PKP4: variants seen among roughly 807,000 people sequenced by gnomAD.
The protein encoded by PKP4 is plakophilin 4.
A neutral mutation model predicts 145.1 loss-of-function variants in PKP4; 90 were observed. That is an observed-to-expected ratio of 0.62 (90% CI 0.52 to 0.74). PKP4 has a LOEUF of 0.74. Ranked by LOEUF, PKP4 falls within the 30% of genes least tolerant of loss-of-function variation. The pLI, the probability that PKP4 is intolerant of heterozygous loss-of-function variation, is 0.00. For missense variants in PKP4, 1,340 were observed against 1,482.7 expected, an observed-to-expected ratio of 0.90 and a Z score of 1.58; for synonymous variants, 563 against 577.2, an observed-to-expected ratio of 0.98 and a Z score of 0.35.
At chr2:158,466,280 G>A (rs1277471381) in intron 1 of PKP4, among the ~76,000 whole-genome samples, 1 of 151,982 alleles carries the variant, frequency 6.6e-6, no homozygotes, top group Non-Finnish European at 1.5e-5. Flanking sequence ...TTTGTAAACT[G>A]GTCTGAGACC....
chr2:158,655,672 G>T (rs931267309), intron 11 of PKP4, among the ~76,000 whole-genome samples: 1 of 152,204 alleles, frequency 6.6e-6, no homozygotes, highest in Non-Finnish European at 1.5e-5. Context: ...GCAGCTCTCT[G>T]CCATGCATTG....
chr2:158,516,604 G>A (rs947916641), intron 1 of PKP4, among the ~76,000 whole-genome samples: 56 of 151,744 alleles, frequency 3.7e-4, no homozygotes, highest in African/African-American at 1.3e-3. Context: ...ACCAGTATGG[G>A]CTAAAAAGAC....
At chr2:158,466,566 G>A (rs929143368) in intron 1 of PKP4, among the ~76,000 whole-genome samples, 2 of 151,838 alleles carry the variant, frequency 1.3e-5, no homozygotes, top group Non-Finnish European at 2.9e-5. Flanking sequence ...TTAGCCAGGC[G>A]TGGTGGCGGG....
At chr2:158,631,040 C>T (rs1429460801) in intron 7 of PKP4, among the ~76,000 whole-genome samples, 2 of 152,102 alleles carry the variant, frequency 1.3e-5, no homozygotes, top group African/African-American at 4.8e-5. Flanking sequence ...CGGGTTCACG[C>T]CATTCTCCTG....
chr2:158,529,424 CAGG>C (rs550699265), intron 1 of PKP4, among the ~76,000 whole-genome samples: 107 of 152,314 alleles, frequency 7.0e-4, no homozygotes, highest in African/African-American at 1.7e-3. Flanking sequence ...TCATAAAAAA[CAGG>C]AGCTGTGTCA....
intron 2 of PKP4, among the ~76,000 whole-genome samples, chr2:158,547,698 C>A (rs1185947001): frequency 2.0e-5 from 3 of 152,186 alleles, no homozygotes; most frequent in Admixed American, 6.5e-5. Flanking sequence ...TTTTAAAACA[C>A]ATTAACATGT....
At chr2:158,487,774 T>A (rs185948659) in intron 1 of PKP4, among the ~76,000 whole-genome samples, 13 of 134,910 alleles carry the variant, frequency 9.6e-5, no homozygotes, top group South Asian at 2.3e-4. Flanking sequence ...AAAGAAAGAC[T>A]GAGAGAGAGA....
chr2:158,643,278 C>T (rs981938805), intron 11 of PKP4, among the ~76,000 whole-genome samples: 2 of 152,098 alleles, frequency 1.3e-5, no homozygotes, highest in African/African-American at 4.8e-5. Flanking sequence ...AACGAAGTTC[C>T]CTGGGTGACA....
intron 1 of PKP4, among the ~76,000 whole-genome samples, chr2:158,513,289 A>G (rs1429573601): frequency 6.6e-6 from 1 of 152,126 alleles, no homozygotes; most frequent in Admixed American, 6.5e-5. Flanking sequence ...TTCTTCTCTT[A>G]GAAGCAGCCT....
intron 3 of PKP4, among the ~76,000 whole-genome samples, chr2:158,582,941 A>G (rs1057100327): frequency 2.0e-5 from 3 of 152,182 alleles, no homozygotes; most frequent in African/African-American, 4.8e-5. Flanking sequence ...TTTTAGAGTC[A>G]TGGATGGCAA....
chr2:158,498,368 C>G (rs1480689949), intron 1 of PKP4, among the ~76,000 whole-genome samples: 1 of 152,128 alleles, frequency 6.6e-6, no homozygotes, highest in Non-Finnish European at 1.5e-5. Flanking sequence ...AAAACCTATC[C>G]AGATAAAAAG....
At chr2:158,523,309 G>A (rs2042601345) in intron 1 of PKP4, among the ~76,000 whole-genome samples, 1 of 132,670 alleles carries the variant, frequency 7.5e-6, no homozygotes, top group Non-Finnish European at 1.6e-5. Flanking sequence ...ACCTCCTCAA[G>A]TGGGTCCCTG....
intron 2 of PKP4, among the ~76,000 whole-genome samples, chr2:158,549,636 T>C (rs1397973740): frequency 6.6e-6 from 1 of 152,072 alleles, no homozygotes; most frequent in Non-Finnish European, 1.5e-5. Flanking sequence ...CTTATAATAT[T>C]TTAATAAGCA....
chr2:158,484,035 T>C (rs1387850705), intron 1 of PKP4, among the ~76,000 whole-genome samples: 2 of 104,346 alleles, frequency 1.9e-5, no homozygotes, highest in Non-Finnish European at 2.0e-5. Context: ...TCTTTTTCTT[T>C]TTTTTTTTTT....
chr2:158,554,699 G>C (rs565451069), intron 2 of PKP4, among the ~76,000 whole-genome samples: 1 of 152,154 alleles, frequency 6.6e-6, no homozygotes, highest in Non-Finnish European at 1.5e-5. Context: ...TGCTGGGATT[G>C]CAGGCGTGAG....
intron 1 of PKP4, among the ~76,000 whole-genome samples, chr2:158,483,378 TAAA>T (rs1559204852): frequency 1.4e-4 from 21 of 148,262 alleles, no homozygotes; most frequent in Admixed American, 2.0e-4. Flanking sequence ...TTTTTTTTTT[TAAA>T]TCATTTTGTC....
chr2:158,558,477 C>A (rs1195136374), intron 2 of PKP4, among the ~76,000 whole-genome samples: 1 of 152,008 alleles, frequency 6.6e-6, no homozygotes, highest in African/African-American at 2.4e-5. Flanking sequence ...AGGAGGAAGT[C>A]ATCAGTGATT....
chr2:158,495,646 C>A (rs1695590270), intron 1 of PKP4, among the ~76,000 whole-genome samples: 2 of 151,772 alleles, frequency 1.3e-5, no homozygotes, highest in African/African-American at 4.8e-5. Flanking sequence ...CCAGCCTGGC[C>A]AACATGGTGA....
At position 158,666,407 on chromosome 2, in the gene PKP4, C is replaced by G; in HGVS notation, c.2578-6C>G. ...ATGTTACTTCCTGCCTTATTTTTCT[C>G]ACTAGTTTGCAGCATATATCCGGGC... On this transcript the variant is annotated splice_region_variant and splice_polypyrimidine_tract_variant and intron_variant, in intron 15 of 21. Coordinates refer to ENST00000389759, the MANE Select transcript of PKP4 (RefSeq NM_003628.6). 6.3e-7 allele frequency: 1 copy of G among 1,576,702 alleles called. No individual in the cohort carries two copies. The highest frequency in any genetic ancestry group is 2.3e-5 in the East Asian group (1 of 43,840).
Sources: allele counts gnomAD v4.1 joint callset (sites outside exome capture counted in the v4.1 genomes callset), GRCh38; gene constraint gnomAD v4.1.1; transcripts MANE v1.5; gene names NCBI Gene and HGNC (gene_info 2026-07-23, HGNC 2026-07-21).